The following BASP1 variants were observed in gnomAD, a reference collection of about 807,000 sequenced individuals.
BASP1 encodes brain acid soluble protein 1.
In BASP1, 1 loss-of-function variant was observed where a neutral mutation model predicts 2.2. The observed-to-expected ratio is 0.46, with a 90% CI of 0.16 to 2.17. The LOEUF (loss-of-function observed/expected upper bound fraction) is 2.17, where lower values mean the gene tolerates loss of function less well. BASP1 is among the 30% of genes most tolerant of loss of function. BASP1 has a pLI of 0.27. For synonymous variants in BASP1, 187 were observed against 154.2 expected (o/e 1.21, Z -1.58); for missense variants, 352 against 327.2 (o/e 1.08, Z -0.58).
At chr5:17,220,038 C>A (rs1462345248) in intron 1 of BASP1, among the ~76,000 whole-genome samples, 1 of 152,076 alleles carries the variant, frequency 6.6e-6, no homozygotes. Flanking sequence ...CAAAAAGGGA[C>A]TTATTGTGTA....
chr5:17,255,009 A>T (rs573916008), intron 1 of BASP1, among the ~76,000 whole-genome samples: 2 of 152,300 alleles, frequency 1.3e-5, no homozygotes, highest in East Asian at 3.9e-4. Context: ...CTTTCTTCGA[A>T]CTGACGAAGG....
intron 1 of BASP1, among the ~76,000 whole-genome samples, chr5:17,222,233 A>T (rs575473721): frequency 6.6e-6 from 1 of 152,270 alleles, no homozygotes; most frequent in East Asian, 1.9e-4. Context: ...GATATTTGAA[A>T]TTCTGTATTA....
intron 1 of BASP1, among the ~76,000 whole-genome samples, chr5:17,265,781 A>G (rs1740404766): frequency 6.6e-6 from 1 of 152,222 alleles, no homozygotes; most frequent in Non-Finnish European, 1.5e-5. Context: ...AAGCTATTAG[A>G]ACAACTTCCA....
chr5:17,228,464 A>G (rs928193979), intron 1 of BASP1, among the ~76,000 whole-genome samples: 1 of 152,236 alleles, frequency 6.6e-6, no homozygotes, highest in African/African-American at 2.4e-5. Flanking sequence ...ACTAACTCTT[A>G]AATGCAGGGA....
chr5:17,275,588 G>T lies in BASP1; in HGVS notation c.372G>T (p.Glu124Asp). ...GCGGCGAGGCCCCCAAAGCTGCTGA[G>T]GCCGCCGCGGCCCCGGCCGAGAGCG... is the stretch of plus-strand genomic sequence containing the variant. Reference protein sequence around the residue: ...AAGGEAPKAAEAAAAPAESAA... With the variant: ...AAGGEAPKAADAAAAPAESAA... Residue 124 changes from glutamate to aspartate, a missense_variant, in exon 2 of 2, where the codon GAG becomes GAT. Glu to Asp is a conservative substitution (Grantham distance 45). Coordinates refer to ENST00000322611, the MANE Select transcript of BASP1 (RefSeq NM_006317.5). This position sits in a 1 kb window ranked among gnomAD's most constrained non-coding sequence, Gnocchi z 5.3. 1 of 1,405,494 alleles carries T rather than the reference G, an allele frequency of 7.1e-7. No homozygotes were observed. The highest frequency in any genetic ancestry group is 9.2e-7 in the Non-Finnish European group (1 of 1,083,772). 87.1% of individuals were successfully genotyped at this position (1,405,494 alleles called of 1,614,324 possible). A position where few individuals can be genotyped will look rare whatever the true frequency, so the allele number is the denominator to read the frequency against.
At position 17,236,267 on chromosome 5, in the gene BASP1, C is replaced by G. The variant is rs1256282450; in HGVS notation, c.-10+18457C>G. Among the ~76,000 whole-genome samples the G allele has an allele frequency of 6.6e-6, 1 of 152,002 alleles. No individual in the cohort carries two copies. Reference sequence around the variant, plus strand: ...GGCAGGTTATCCAGAGAGCGAGTTTCTTTTCTTTTTTTTGGGATGGAGTTT... The same window carrying G: ...GGCAGGTTATCCAGAGAGCGAGTTTGTTTTCTTTTTTTTGGGATGGAGTTT... On this transcript the variant is annotated intron_variant, in intron 1 of 1. Coordinates refer to ENST00000322611, the MANE Select transcript of BASP1 (RefSeq NM_006317.5). The surrounding 1 kb of genome is among the most constrained non-coding windows in gnomAD (Gnocchi z 4.0).
intron 1 of BASP1, among the ~76,000 whole-genome samples, chr5:17,255,042 C>T (rs946893923): frequency 2.0e-5 from 3 of 152,196 alleles, no homozygotes; most frequent in Non-Finnish European, 4.4e-5. Flanking sequence ...ATTTTCCCCT[C>T]TTCATGTTAC....
chr5:17,228,577 T>A (rs1484924074), intron 1 of BASP1, among the ~76,000 whole-genome samples: 1 of 152,252 alleles, frequency 6.6e-6, no homozygotes, highest in Non-Finnish European at 1.5e-5. Flanking sequence ...CCCTTCTTGC[T>A]TAAATCAAAT....
chr5:17,275,561 G>A lies in BASP1; in HGVS notation c.345G>A (p.Ala115=), dbSNP rs1460282446. The A allele has an allele frequency of 1.4e-6, 2 of 1,393,832 alleles. No individual in the cohort carries two copies. Among genetic ancestry groups the A allele is most frequent in the East Asian group, 3.1e-5 (1 of 32,636 alleles). 86.3% of individuals were successfully genotyped at this position (1,393,832 alleles called of 1,614,324 possible). The change falls in exon 2 of 2, where the codon GCG becomes GCA. Residue 115 remains alanine, a synonymous_variant. Transcript: ENST00000322611. The surrounding 1 kb of genome is among the most constrained non-coding windows in gnomAD (Gnocchi z 5.3). ...EQEQAAPGPA[A]GGEAPKAAEA... The stretch of plus-strand genomic sequence containing the variant: ...AGCAGGCGGCCCCCGGCCCCGCTGC[G>A]GGCGGCGAGGCCCCCAAAGCTGCTG...
At chr5:17,274,901 C>T (rs1740597846) in intron 1 of BASP1, among the ~76,000 whole-genome samples, 1 of 152,118 alleles carries the variant, frequency 6.6e-6, no homozygotes, top group African/African-American at 2.4e-5. Flanking sequence ...GTGGTGGGTA[C>T]ACCTGTGGGC....
chr5:17,238,414 C>T (rs566709687), intron 1 of BASP1, among the ~76,000 whole-genome samples: 53 of 152,128 alleles, frequency 3.5e-4, no homozygotes, highest in East Asian at 3.9e-4. Context: ...AATAATTTGA[C>T]GTCTATTTGA....
intron 1 of BASP1, among the ~76,000 whole-genome samples, chr5:17,219,408 T>C (rs1022436684): frequency 3.3e-5 from 5 of 152,222 alleles, no homozygotes; most frequent in African/African-American, 9.6e-5. Flanking sequence ...ATCTTTTGCT[T>C]TCTTGCTGAT....
chr5:17,239,964 TTGAA>T (rs1739826974), intron 1 of BASP1, among the ~76,000 whole-genome samples: 1 of 152,098 alleles, frequency 6.6e-6, no homozygotes, highest in Non-Finnish European at 1.5e-5. Context: ...ATGCTATGGT[TTGAA>T]TATATGTGTT....
At chr5:17,255,181 C>A (rs1326682660) in intron 1 of BASP1, among the ~76,000 whole-genome samples, 1 of 152,044 alleles carries the variant, frequency 6.6e-6, no homozygotes, top group African/African-American at 2.4e-5. Flanking sequence ...GTTTGAGATA[C>A]CTGGAATTTT....
At chr5:17,273,473 G>A (rs1342201168) in intron 1 of BASP1, among the ~76,000 whole-genome samples, 1 of 152,108 alleles carries the variant, frequency 6.6e-6, no homozygotes, top group Non-Finnish European at 1.5e-5. Context: ...TAGTATTTTA[G>A]TCAAATTTCA....
At chr5:17,271,036 A>G (rs1740519624) in intron 1 of BASP1, among the ~76,000 whole-genome samples, 1 of 152,170 alleles carries the variant, frequency 6.6e-6, no homozygotes, top group South Asian at 2.1e-4. Context: ...ACTACTGTTT[A>G]TGGTTATTTT....
At chr5:17,234,910 T>G (rs551117803) in intron 1 of BASP1, among the ~76,000 whole-genome samples, 1 of 152,228 alleles carries the variant, frequency 6.6e-6, no homozygotes, top group South Asian at 2.1e-4. Context: ...ATTTAAAGAG[T>G]TTTATGTGAA....
intron 1 of BASP1, among the ~76,000 whole-genome samples, chr5:17,246,315 A>G (rs566230260): frequency 6.6e-6 from 1 of 151,844 alleles, no homozygotes; most frequent in Admixed American, 6.6e-5. Context: ...CCCTGTCTCT[A>G]CTAAAGATAA....
intron 1 of BASP1, among the ~76,000 whole-genome samples, chr5:17,268,261 G>A (rs952769524): frequency 5.3e-5 from 8 of 152,166 alleles, no homozygotes; most frequent in African/African-American, 1.9e-4. Flanking sequence ...TTTGACACAA[G>A]TCAAACAAAT....
Sources: gnomAD v4.1 joint callset for allele counts (sites outside exome capture counted in the v4.1 genomes callset) on GRCh38, gnomAD v4.1.1 for gene constraint, Gnocchi (gnomAD v3.1) non-coding constraint, MANE v1.5 for transcripts, NCBI Gene and HGNC (gene_info 2026-07-23, HGNC 2026-07-21) for gene names.